CCDC134: variants seen among roughly 807,000 people sequenced by gnomAD.
CCDC134 encodes coiled-coil domain-containing protein 134.
CCDC134 carries 27 observed loss-of-function variants against 25.6 expected under a neutral mutation model. That is an observed-to-expected ratio of 1.05 (90% CI 0.78 to 1.45). The LOEUF (loss-of-function observed/expected upper bound fraction) is 1.45, where lower values mean the gene tolerates loss of function less well. Ranked by LOEUF, CCDC134 falls within the 40% of genes most tolerant of loss-of-function variation. The probability of loss-of-function intolerance (pLI) is 0.00; values close to 1 mark genes in which losing one functional copy is unlikely to be tolerated. For synonymous variants in CCDC134, 110 were observed against 115.0 expected (o/e 0.96, Z 0.28); for missense variants, 261 against 286.7 (o/e 0.91, Z 0.65).
At chr22:41,801,087 C>CA (rs1195249430) in intron 1 of CCDC134, among the ~76,000 whole-genome samples, 4 of 152,070 alleles carry the variant, frequency 2.6e-5, no homozygotes, top group Non-Finnish European at 5.9e-5. Flanking sequence ...GTGAGTTTAA[C>CA]AGTAGAGAAA....
intron 6 of CCDC134, among the ~76,000 whole-genome samples, chr22:41,824,163 A>G (rs908997360): frequency 6.6e-6 from 1 of 152,174 alleles, no homozygotes; most frequent in Non-Finnish European, 1.5e-5. Flanking sequence ...AGTTGAAGGG[A>G]GCACACCACC....
chr22:41,813,725 G>C (rs761145308), intron 5 of CCDC134, 26 bp from the exon 6 acceptor site: 2 of 1,608,836 alleles, frequency 1.2e-6, no homozygotes, highest in Middle Eastern at 1.7e-4. Flanking sequence ...GAAGGCAGAT[G>C]ATGACTAGTG....
intron 6 of CCDC134, among the ~76,000 whole-genome samples, chr22:41,817,199 G>C (rs1329282748): frequency 2.0e-5 from 3 of 152,144 alleles, no homozygotes; most frequent in African/African-American, 7.2e-5. Context: ...AGTTGAACCA[G>C]AAATATACAG....
At chr22:41,816,234 G>A (rs1417050486) in intron 6 of CCDC134, among the ~76,000 whole-genome samples, 1 of 152,208 alleles carries the variant, frequency 6.6e-6, no homozygotes, top group African/African-American at 2.4e-5. Context: ...CCAGAACAAT[G>A]TTTAGTTGAG....
At chr22:41,815,208 T>C (rs950871530) in intron 6 of CCDC134, among the ~76,000 whole-genome samples, 22 of 146,434 alleles carry the variant, frequency 1.5e-4, no homozygotes, top group East Asian at 5.8e-4. Flanking sequence ...TCTTTTCTTT[T>C]TTTTTTTTTT....
At chr22:41,803,636 T>C (rs1022237542) in intron 1 of CCDC134, among the ~76,000 whole-genome samples, 26 of 151,206 alleles carry the variant, frequency 1.7e-4, no homozygotes, top group African/African-American at 6.1e-4. Flanking sequence ...GGCATGGTGA[T>C]GCACACCTGT....
intron 4 of CCDC134, among the ~76,000 whole-genome samples, chr22:41,812,020 G>A (rs895547188): frequency 1.5e-4 from 23 of 152,250 alleles, no homozygotes; most frequent in Non-Finnish European, 2.6e-4. Context: ...ACCAGTAGAA[G>A]CACATTAGTA....
intron 4 of CCDC134, among the ~76,000 whole-genome samples, chr22:41,811,707 AG>A (rs2076597285): frequency 6.6e-6 from 1 of 152,232 alleles, no homozygotes; most frequent in Admixed American, 6.5e-5. Flanking sequence ...CTGGGATTAC[AG>A]GGGTGAGTTA....
rs1326490150 is a variant in CCDC134, at chr22:41,825,783, G to A, written c.650G>A (p.Arg217Gln). 8 of 1,614,080 alleles carry A rather than the reference G, an allele frequency of 5.0e-6. No individual in the cohort carries two copies. The highest frequency in any genetic ancestry group is 6.8e-6 in the Non-Finnish European group (8 of 1,180,034). ...RKKEEKRKEI[R>Q]KGPRISRSQS... ...AAAGAGGAGAAGCGGAAGGAGATCCGAAAAGGCCCAAGGATCTCCAGATCC... is the reference window on the plus strand; with the variant it reads ...AAAGAGGAGAAGCGGAAGGAGATCCAAAAAGGCCCAAGGATCTCCAGATCC... Residue 217 changes from arginine to glutamine, a missense_variant, in exon 7 of 7, where the codon CGA becomes CAA. Coordinates refer to ENST00000255784, the MANE Select transcript of CCDC134 (RefSeq NM_024821.5). This position sits in a 1 kb window ranked among gnomAD's most constrained non-coding sequence, Gnocchi z 4.4.
At chr22:41,823,534 C>T (rs754926244) in intron 6 of CCDC134, among the ~76,000 whole-genome samples, 3 of 151,970 alleles carry the variant, frequency 2.0e-5, no homozygotes, top group Non-Finnish European at 2.9e-5. Context: ...CTCCAGTCTT[C>T]AAAATAAAAA....
chr22:41,805,641 A>T (rs2076564338), intron 1 of CCDC134, among the ~76,000 whole-genome samples: 1 of 152,026 alleles, frequency 6.6e-6, no homozygotes, highest in East Asian at 1.9e-4. Flanking sequence ...TATGTCATAA[A>T]CACATTACTC....
chr22:41,825,981 A>C lies in CCDC134; in HGVS notation c.*158A>C. ...GGAGCTGGGTCTGAGCCCCAGCTGA[A>C]GGGACTGAGCCTCAGATGGCTGGAT... is the stretch of plus-strand genomic sequence containing the variant. On this transcript the variant is annotated 3_prime_UTR_variant, in exon 7 of 7. Coordinates refer to ENST00000255784, the MANE Select transcript of CCDC134 (RefSeq NM_024821.5). This position sits in a 1 kb window ranked among gnomAD's most constrained non-coding sequence, Gnocchi z 4.4. 1 of 1,000,774 alleles carries C rather than the reference A, an allele frequency of 1.0e-6. No homozygotes were observed. The highest frequency in any genetic ancestry group is 1.5e-6 in the Non-Finnish European group (1 of 675,076). The allele number at this position is 1,000,774 out of a possible 1,614,324, so 62.0% of individuals were successfully genotyped here.
rs957315279 is a variant in CCDC134 at position 41,827,394 on chromosome 22, A to T, written c.*1571A>T. ...ACATGGACACCCGAGTCTGTGAACT[A>T]AAGGGCTGGTCCATGGCATTAACAG... On this transcript the variant is annotated 3_prime_UTR_variant, in exon 7 of 7. Transcript: ENST00000255784. Among the ~76,000 whole-genome samples, 1 of 152,198 alleles carries T rather than the reference A, an allele frequency of 6.6e-6. No individual in the cohort carries two copies. The highest frequency in any genetic ancestry group is 1.5e-5 in the Non-Finnish European group (1 of 68,028).
chr22:41,806,180 C>A (rs1370590437), intron 1 of CCDC134, among the ~76,000 whole-genome samples: 2 of 151,144 alleles, frequency 1.3e-5, no homozygotes, highest in African/African-American at 4.9e-5. Flanking sequence ...CTTGGAACAA[C>A]CATGGTTGAA....
chr22:41,807,865 AAAAT>A (rs1260840655), intron 1 of CCDC134, among the ~76,000 whole-genome samples: 2 of 152,152 alleles, frequency 1.3e-5, no homozygotes, highest in African/African-American at 2.4e-5. Context: ...TACTAAGGAA[AAAAT>A]AAATAAAAAG....
chr22:41,825,781 C>T lies in CCDC134; in HGVS notation c.648C>T (p.Ile216=). The T allele has an allele frequency of 6.2e-7, 1 of 1,614,224 alleles. No homozygotes were observed. Among genetic ancestry groups the T allele is most frequent in the Non-Finnish European group, 8.5e-7 (1 of 1,180,036 alleles). ...RRKKEEKRKE[I]RKGPRISRSQ... ...AGAAAGAGGAGAAGCGGAAGGAGAT[C>T]CGAAAAGGCCCAAGGATCTCCAGAT... is the stretch of plus-strand genomic sequence containing the variant. The change falls in exon 7 of 7, where the codon ATC becomes ATT. Residue 216 remains isoleucine (I), a synonymous_variant. Transcript: ENST00000255784. This position sits in a 1 kb window ranked among gnomAD's most constrained non-coding sequence, Gnocchi z 4.4.
rs187454907 is a variant in CCDC134, at chr22:41,827,575, T to C, written c.*1752T>C. 3.9e-4 allele frequency among the ~76,000 whole-genome samples: 60 copies of C among 152,368 alleles called. No homozygotes were observed. The highest frequency in any genetic ancestry group is 1.3e-3 in the African/African-American group (52 of 41,578). On this transcript the variant is annotated 3_prime_UTR_variant, in exon 7 of 7. Coordinates refer to ENST00000255784, the MANE Select transcript of CCDC134 (RefSeq NM_024821.5). ...ACTCAAGGGGCCCGTTACAGAATTT[T>C]TGGGAGTAAATACCCACTAGAGGAT...
intron 1 of CCDC134, among the ~76,000 whole-genome samples, chr22:41,806,203 T>A (rs535627289): frequency 5.7e-4 from 87 of 151,444 alleles, no homozygotes; most frequent in Non-Finnish European, 1.1e-3. Context: ...TCTTTTTTTT[T>A]TAGGCGACTA....
rs988247561 is a variant in CCDC134, at chr22:41,831,785, C to G, written c.*5962C>G. ...CTGTAATTTATTTTTATGTTTAATA[C>G]GGGTGTGGGATTTCTGATTTTTTTT... On this transcript the variant is annotated 3_prime_UTR_variant, in exon 7 of 7. Transcript: ENST00000255784. 1 of 131,810 alleles carries G rather than the reference C, an allele frequency of 7.6e-6. No homozygotes were observed. The highest frequency in any genetic ancestry group is 2.5e-4 in the South Asian group (1 of 4,036). The allele number at this position is 131,810 out of a possible 1,614,324, so 8.2% of individuals were successfully genotyped here.
Sources: gnomAD v4.1 joint callset for allele counts (sites outside exome capture counted in the v4.1 genomes callset) on GRCh38, gnomAD v4.1.1 for gene constraint, Gnocchi (gnomAD v3.1) non-coding constraint, MANE v1.5 for transcripts, NCBI Gene and HGNC (gene_info 2026-07-23, HGNC 2026-07-21) for gene names.